MAP3K15: variants seen among roughly 807,000 people sequenced by gnomAD.
The protein encoded by MAP3K15 is mitogen-activated protein kinase kinase kinase 15, also known as MAPK/ERK kinase kinase 15.
A neutral mutation model predicts 99.5 loss-of-function variants in MAP3K15; 124 were observed. The observed-to-expected ratio is 1.25, with a 90% confidence interval of 1.08 to 1.45. The LOEUF (loss-of-function observed/expected upper bound fraction) is 1.45, where lower values mean the gene tolerates loss of function less well. Among genes scored for constraint, MAP3K15 ranks in the 40% most tolerant of loss-of-function variants. The pLI, the probability that MAP3K15 is intolerant of heterozygous loss-of-function variation, is 0.00. For synonymous variants in MAP3K15, 494 were observed against 439.6 expected (o/e 1.12, Z -1.55); for missense variants, 1,242 against 1,079.7 (o/e 1.15, Z -2.11).
At chrX:19,437,993 G>A (rs2063934363) in intron 6 of MAP3K15, among the ~76,000 whole-genome samples, 1 of 112,548 alleles carries the variant, frequency 8.9e-6, no homozygotes, top group Non-Finnish European at 1.9e-5. Flanking sequence ...AAACTGACAA[G>A]ACAGGTTACT....
chrX:19,446,270 G>A (rs1569227778), intron 6 of MAP3K15, among the ~76,000 whole-genome samples: 1 of 112,237 alleles, frequency 8.9e-6, no homozygotes, highest in South Asian at 3.6e-4. Flanking sequence ...GAGATAGATC[G>A]CTGATAGGAT....
intron 25 of MAP3K15, among the ~76,000 whole-genome samples, 166 bp downstream of exon 25, chrX:19,368,888 A>G (rs1379811583): frequency 1.9e-5 from 2 of 106,539 alleles, no homozygotes; most frequent in African/African-American, 3.5e-5. Flanking sequence ...TAGTCCCTCA[A>G]TTGAGGCTGA....
intron 9 of MAP3K15, among the ~76,000 whole-genome samples, chrX:19,424,284 A>G (rs1483881639): frequency 9.7e-6 from 1 of 103,011 alleles, no homozygotes; most frequent in Non-Finnish European, 1.9e-5. Context: ...ATATACACAC[A>G]TATATATACA....
chrX:19,500,421 G>A (rs181676677), intron 1 of MAP3K15, among the ~76,000 whole-genome samples: 2 of 110,909 alleles, frequency 1.8e-5, no homozygotes, highest in African/African-American at 3.3e-5. Flanking sequence ...TATCTACATC[G>A]AATGCTCCTG....
Position 19,373,386 on chromosome X carries a change from G to A in MAP3K15, c.2933+150C>T, listed in dbSNP as rs763156619. ...AAGTGAACGAAGCACCCTCCTTGCC[G>A]GGATGGGGCGGCTCAGCTGCCCTAC... On this transcript the variant is annotated intron_variant, in intron 21 of 28. Transcript: ENST00000338883. The A allele has an allele frequency of 6.6e-4, 436 of 656,426 alleles. 4 individuals carry two copies. In the African/African-American group the frequency reaches 7.8e-3, roughly 12 times the overall value. The allele number at this position is 656,426 out of a possible 1,213,427, so 54.1% of individuals were successfully genotyped here. A position where few individuals can be genotyped will look rare whatever the true frequency, so the allele number is the denominator to read the frequency against.
In MAP3K15 at chrX:19,395,113, T is replaced by A; in HGVS notation, c.2162A>T (p.Tyr721Phe). 1 of 1,208,806 alleles carries A rather than the reference T, an allele frequency of 8.3e-7. No individual in the cohort carries two copies. Among genetic ancestry groups the A allele is most frequent in the Admixed American group, 2.2e-5 (1 of 45,896 alleles). Residue 721 changes from tyrosine to phenylalanine, a missense_variant, in exon 16 of 29, where the codon TAC becomes TTC. Tyr to Phe is a conservative substitution (Grantham distance 22). Coordinates refer to ENST00000338883, the MANE Select transcript of MAP3K15 (RefSeq NM_001001671.4). The stretch of plus-strand genomic sequence containing the variant: ...CACCTGCTCCATAAATATCTTAATG[T>A]AGCCGTTCTCTGAAACAGAGCCCAG... Reference protein sequence around the residue: ...QYLGSVSENGYIKIFMEQVPG... With the variant: ...QYLGSVSENGFIKIFMEQVPG...
At chrX:19,399,086 T>C (rs1014221949) in intron 14 of MAP3K15, among the ~76,000 whole-genome samples, 1 of 112,177 alleles carries the variant, frequency 8.9e-6, no homozygotes, top group Non-Finnish European at 1.9e-5. Context: ...CACGGAATAG[T>C]CGGCGGGTAT....
rs761341022 is a variant in MAP3K15, at chrX:19,431,589, G to C, written c.1015C>G (p.Arg339Gly). The change falls in exon 7 of 29, where the codon CGT becomes GGT. Residue 339 changes from arginine to glycine, a missense_variant. Arg to Gly is a moderately radical substitution (Grantham distance 125). Coordinates refer to ENST00000338883, the MANE Select transcript of MAP3K15 (RefSeq NM_001001671.4). ...AGCATGATCTGCAGAGCCTTCTCAC[G>C]GTCACCTGTGCTGTTTCTCCTGAAA... ...ALNRRNSTGD[R>G]EKALQIMLQV... 28 of 1,196,034 alleles carry C rather than the reference G, an allele frequency of 2.3e-5. No homozygotes were observed. Among genetic ancestry groups the C allele is most frequent in the Non-Finnish European group, 3.1e-5 (28 of 893,556 alleles).
At chrX:19,403,131 G>A (rs1409073157) in intron 13 of MAP3K15, among the ~76,000 whole-genome samples, 6 of 111,674 alleles carry the variant, frequency 5.4e-5, no homozygotes. Flanking sequence ...AGCAACTTCT[G>A]GGGTGCTGAT....
chrX:19,404,410 T>C (rs1158500719), intron 13 of MAP3K15, among the ~76,000 whole-genome samples: 3 of 112,029 alleles, frequency 2.7e-5, no homozygotes, highest in Non-Finnish European at 3.8e-5. Flanking sequence ...GGATGGTTAA[T>C]ATGGCAATGC....
chrX:19,484,602 G>A (rs1344146120), intron 3 of MAP3K15, among the ~76,000 whole-genome samples: 2 of 111,777 alleles, frequency 1.8e-5, no homozygotes, highest in African/African-American at 6.5e-5. Flanking sequence ...TTGTAACAGC[G>A]TGACACCAAG....
chrX:19,368,253 C>G (rs1301458706), intron 25 of MAP3K15, among the ~76,000 whole-genome samples: 2 of 112,060 alleles, frequency 1.8e-5, no homozygotes, highest in Non-Finnish European at 3.8e-5. Flanking sequence ...ATCGATTCTC[C>G]TGCCTCAGCT....
chrX:19,426,952 T>C (rs1281083679), intron 7 of MAP3K15, among the ~76,000 whole-genome samples: 3 of 109,413 alleles, frequency 2.7e-5, no homozygotes, highest in Non-Finnish European at 5.7e-5. Flanking sequence ...GAAATCATCA[T>C]GAAGTACACA....
chrX:19,424,233 CACATATATAT>C (rs763879315), intron 9 of MAP3K15, among the ~76,000 whole-genome samples: 9,834 of 105,272 alleles, frequency 0.093, 961 homozygotes, highest in African/African-American at 0.28. Flanking sequence ...TATATGTACA[CACATATATAT>C]ACATATATAT....
In MAP3K15 at chrX:19,398,365, G is replaced by C. The variant is rs1176448881; in HGVS notation, c.1933-6C>G. 1 of 1,209,783 alleles carries C rather than the reference G, an allele frequency of 8.3e-7. No individual in the cohort carries two copies. The highest frequency in any genetic ancestry group is 2.2e-5 in the Admixed American group (1 of 45,803). ...GCATCATGGTCATACTCATACTGAAGAAGGAAAAACAAAAGGACAAAAAAG... is the reference window on the plus strand; with the variant it reads ...GCATCATGGTCATACTCATACTGAACAAGGAAAAACAAAAGGACAAAAAAG... On this transcript the variant is annotated splice_region_variant and splice_polypyrimidine_tract_variant and intron_variant, in intron 14 of 28. Transcript: ENST00000338883.
chrX:19,437,597 T>G (rs1033241744), intron 6 of MAP3K15, among the ~76,000 whole-genome samples: 1 of 111,937 alleles, frequency 8.9e-6, no homozygotes, highest in African/African-American at 3.2e-5. Flanking sequence ...CTCTGAGCAC[T>G]CAACTTAAAA....
intron 7 of MAP3K15, 95 bp from the exon 8 acceptor site, chrX:19,426,438 T>C: frequency 2.0e-6 from 1 of 512,493 alleles, no homozygotes; most frequent in Non-Finnish European, 2.9e-6. Flanking sequence ...GTTTTCTTTC[T>C]CTAAATTTGT....
At chrX:19,476,426 G>T (rs2064243616) in intron 3 of MAP3K15, among the ~76,000 whole-genome samples, 1 of 111,770 alleles carries the variant, frequency 8.9e-6, no homozygotes, top group Non-Finnish European at 1.9e-5. Flanking sequence ...CGGGGCAATG[G>T]ATTTTTTATA....
At chrX:19,480,710 C>A (rs1240001928) in intron 3 of MAP3K15, among the ~76,000 whole-genome samples, 2 of 103,968 alleles carry the variant, frequency 1.9e-5, no homozygotes, top group Admixed American at 1.0e-4. Context: ...CCTGTGATCC[C>A]AGCTACTCAG....
Sources: allele counts gnomAD v4.1 joint callset (sites outside exome capture counted in the v4.1 genomes callset), GRCh38; gene constraint gnomAD v4.1.1; transcripts MANE v1.5; gene names NCBI Gene and HGNC (gene_info 2026-07-23, HGNC 2026-07-21).